Variants in KMT2E observed in about 807,000 individuals in gnomAD.
KMT2E encodes the protein histone reader KMT2E.
Under a neutral mutation model 184.6 loss-of-function variants are expected in KMT2E, and 30 were observed. The ratio of observed to expected loss-of-function variants is 0.16; its 90% CI spans 0.12 to 0.22. KMT2E has a LOEUF of 0.22. Among genes scored for constraint, KMT2E ranks in the 10% least tolerant of loss-of-function variants. The probability of loss-of-function intolerance (pLI) is 1.00; values close to 1 mark genes in which losing one functional copy is unlikely to be tolerated. For missense variants in KMT2E, 2,023 were observed against 2,237.4 expected (o/e 0.90, Z 1.93); for synonymous variants, 815 against 776.5 (o/e 1.05, Z -0.82).
chr7:105,063,269 G>A, intron 4 of KMT2E, 82 bp from the exon 5 acceptor site: 1 of 1,009,088 alleles, frequency 9.9e-7, no homozygotes, highest in Non-Finnish European at 1.5e-6. Flanking sequence ...GAAATTAAGG[G>A]TTGAATTTTA....
chr7:105,089,470 C>T (rs1798114879), intron 13 of KMT2E: 3 of 209,954 alleles, frequency 1.4e-5, no homozygotes, highest in South Asian at 1.1e-4. Context: ...CAGGCAAGAG[C>T]CACTGTGCCT....
chr7:105,107,865 T>G lies in KMT2E; in HGVS notation c.3408T>G (p.Thr1136=). 1 of 1,614,156 alleles carries G rather than the reference T, an allele frequency of 6.2e-7. No individual in the cohort carries two copies. Among genetic ancestry groups the G allele is most frequent in the Middle Eastern group, 1.6e-4 (1 of 6,062 alleles). ...GGCTTGTATCTGGTTTCGGACGGAC[T>G]GTTAATGACAATTTGATCGACGGGA... ...EDGLVSGFGR[T]VNDNLIDGNC... The change falls in exon 22 of 27, where the codon ACT becomes ACG. Residue 1136 remains threonine, a synonymous_variant. Transcript: ENST00000311117.
In KMT2E at chr7:105,040,831, T is replaced by G. The variant is rs1201386602; in HGVS notation, c.-114-8T>G. 10 of 556,806 alleles carry G rather than the reference T, an allele frequency of 1.8e-5. No individual in the cohort carries two copies. 34.5% of individuals were successfully genotyped at this position (556,806 alleles called of 1,614,324 possible). On this transcript the variant is annotated splice_polypyrimidine_tract_variant and splice_region_variant and intron_variant, in intron 2 of 26. Transcript: ENST00000311117. ...TGTTGCTTTTTTGTCTCCTTTTCTT[T>G]TAAACAGGGTTTGTGGATGCACTTA...
rs769524402 is a variant in KMT2E at position 105,107,468 on chromosome 7, G to C, written c.3011G>C (p.Arg1004Thr). ...EIKTIGYTSP[R>T]SRTEVNRQCP... Reference sequence around the variant, plus strand: ...AAGACTATTGGTTATACGAGCCCTAGGAGTAGGACTGAAGTCAACAGGCAG... The same window carrying C: ...AAGACTATTGGTTATACGAGCCCTACGAGTAGGACTGAAGTCAACAGGCAG... The change falls in exon 22 of 27, where the codon AGG becomes ACG. Residue 1004 changes from arginine to threonine, a missense_variant. Arg to Thr is a moderately conservative substitution (Grantham distance 71). Around this residue, in one of 8 missense-constraint regions of KMT2E, gnomAD observed 1,108 missense variants for 1,050.9 expected, o/e 1.05. Coordinates refer to ENST00000311117, the MANE Select transcript of KMT2E (RefSeq NM_182931.3). The C allele has an allele frequency of 5.6e-6, 9 of 1,614,082 alleles. No individual in the cohort carries two copies. The highest frequency in any genetic ancestry group is 3.3e-4 in the Middle Eastern group (2 of 6,062).
intron 3 of KMT2E, among the ~76,000 whole-genome samples, chr7:105,053,094 C>T (rs1488059329): frequency 6.6e-6 from 1 of 152,104 alleles, no homozygotes; most frequent in Non-Finnish European, 1.5e-5. Context: ...TATAAATAGT[C>T]TTTAAAAATT....
chr7:105,066,682 A>G (rs1039883325), intron 5 of KMT2E, 45 bp from the exon 6 acceptor site: 30 of 1,406,608 alleles, frequency 2.1e-5, no homozygotes, highest in Non-Finnish European at 2.9e-5. Context: ...TAATTTAAGG[A>G]TGACTTAAAT....
intron 13 of KMT2E, among the ~76,000 whole-genome samples, chr7:105,086,908 TTA>T (rs10630207): frequency 6.9e-6 from 1 of 145,154 alleles, no homozygotes; most frequent in Admixed American, 7.0e-5. Context: ...ATATTATATA[TTA>T]TATAGCATAT....
In KMT2E at chr7:105,110,857, A is replaced by G. The variant is rs142915847; in HGVS notation, c.4057A>G (p.Lys1353Glu). ...TCAAAATACTTGTAAAAGTCCTCCA[A>G]AAATGAGCAAGGTAATAACATTGAC... is the stretch of plus-strand genomic sequence containing the variant. Reference protein sequence around the residue: ...TSQNTCKSPPKMSKPGSPGSV... With the variant: ...TSQNTCKSPPEMSKPGSPGSV... Residue 1353 changes from lysine (K) to glutamate (E), a missense_variant, in exon 26 of 27, where the codon AAA becomes GAA. Physicochemically the swap from Lys to Glu is moderately conservative, Grantham distance 56 (BLOSUM62 1). Coordinates refer to ENST00000311117, the MANE Select transcript of KMT2E (RefSeq NM_182931.3). 2.5e-6 allele frequency: 4 copies of G among 1,611,956 alleles called. No individual in the cohort carries two copies. Among genetic ancestry groups the G allele is most frequent in the Non-Finnish European group, 2.5e-6 (3 of 1,178,002 alleles).
At chr7:105,022,023 G>A (rs1794976866) in intron 1 of KMT2E, among the ~76,000 whole-genome samples, 1 of 151,962 alleles carries the variant, frequency 6.6e-6, no homozygotes, top group Non-Finnish European at 1.5e-5. Flanking sequence ...ATATACACCT[G>A]GTATTTTTCC....
intron 15 of KMT2E, among the ~76,000 whole-genome samples, chr7:105,092,029 C>G (rs1798225200): frequency 6.6e-6 from 1 of 152,134 alleles, no homozygotes; most frequent in Non-Finnish European, 1.5e-5. Context: ...CTCCCCATTC[C>G]CCTTTACTTT....
chr7:105,048,188 C>G (rs978002144), intron 3 of KMT2E, among the ~76,000 whole-genome samples: 3 of 152,108 alleles, frequency 2.0e-5, no homozygotes, highest in African/African-American at 4.8e-5. Context: ...AGGTACACAC[C>G]ACCACACTTG....
intron 13 of KMT2E, among the ~76,000 whole-genome samples, chr7:105,087,007 G>T (rs534660483): frequency 5.3e-4 from 77 of 144,838 alleles, no homozygotes; most frequent in Middle Eastern, 3.7e-3. Flanking sequence ...CTATTTGTTG[G>T]CAAATATATA....
At chr7:105,017,022 C>G (rs1477368989) in intron 1 of KMT2E, among the ~76,000 whole-genome samples, 1 of 152,066 alleles carries the variant, frequency 6.6e-6, no homozygotes, top group African/African-American at 2.4e-5. Flanking sequence ...GTTTTGGGGT[C>G]AGTACTCATT....
At chr7:105,062,810 A>G (rs1157604940) in intron 4 of KMT2E, among the ~76,000 whole-genome samples, 1 of 151,922 alleles carries the variant, frequency 6.6e-6, no homozygotes, top group Non-Finnish European at 1.5e-5. Flanking sequence ...GGCAGCATTT[A>G]GATTCAAACG....
At position 105,101,656 on chromosome 7, in the gene KMT2E, ATTAC is replaced by A. The variant is rs1396978696; in HGVS notation, c.1887+71_1887+74del. 5 of 1,280,736 alleles carry A rather than the reference ATTAC, an allele frequency of 3.9e-6. No individual in the cohort carries two copies. In the African/African-American group the frequency reaches 4.7e-5, roughly 12 times the overall value. The allele number at this position is 1,280,736 out of a possible 1,614,324, so 79.3% of individuals were successfully genotyped here. A position where few individuals can be genotyped will look rare whatever the true frequency, so the allele number is the denominator to read the frequency against. ...AAATAAAATGTCTATACTTGCATTA[ATTAC>A]TTATAAGGAATTTAAAATAATGTCT... On this transcript the variant is annotated intron_variant, in intron 16 of 26. Coordinates refer to ENST00000311117, the MANE Select transcript of KMT2E (RefSeq NM_182931.3).
At chr7:105,088,478 T>C (rs1250134207) in intron 13 of KMT2E, among the ~76,000 whole-genome samples, 1 of 152,230 alleles carries the variant, frequency 6.6e-6, no homozygotes. Context: ...TTAGGAATAT[T>C]AGACACTTAA....
chr7:105,112,912 C>G lies in KMT2E; in HGVS notation c.5156C>G (p.Pro1719Arg). Residue 1719 changes from proline (P) to arginine (R), a missense_variant, in exon 27 of 27, where the codon CCT becomes CGT. Transcript: ENST00000311117. ...HVVNSAPPPP[P>R]PPPPSSVLAS... is the part of the protein sequence containing the mutation. The stretch of plus-strand genomic sequence containing the variant: ...GTAAATTCAGCACCCCCACCACCCC[C>G]TCCGCCGCCACCTTCCAGTGTTTTG... The G allele has an allele frequency of 6.2e-7, 1 of 1,613,722 alleles. No homozygotes were observed.
At chr7:105,087,028 T>TA (rs1469415004) in intron 13 of KMT2E, among the ~76,000 whole-genome samples, 1 of 146,732 alleles carries the variant, frequency 6.8e-6, no homozygotes, top group Admixed American at 6.9e-5. Context: ...GCATATAATA[T>TA]AATATATGGC....
chr7:105,023,569 C>G (rs985015466), intron 1 of KMT2E, among the ~76,000 whole-genome samples: 1 of 151,594 alleles, frequency 6.6e-6, no homozygotes, highest in African/African-American at 2.4e-5. Flanking sequence ...CTCAGCCTCC[C>G]TAGTAGCAGG....
Sources: allele counts gnomAD v4.1 joint callset (sites outside exome capture counted in the v4.1 genomes callset), GRCh38; gene constraint gnomAD v4.1.1; regional missense constraint gnomAD v4.1.1; transcripts MANE v1.5; gene names NCBI Gene and HGNC (gene_info 2026-07-23, HGNC 2026-07-21).